The following PTBP2 variants were observed in gnomAD, a reference collection of about 807,000 sequenced individuals.
PTBP2 encodes the protein polypyrimidine tract-binding protein 2.
In PTBP2, 13 loss-of-function variants were observed where a neutral mutation model predicts 61.4. The observed-to-expected ratio is 0.21, with a 90% CI of 0.14 to 0.34. The LOEUF is 0.34. Among genes scored for constraint, PTBP2 ranks in the 10% least tolerant of loss-of-function variants. The pLI is 1.00. For synonymous variants in PTBP2, 215 were observed against 218.5 expected, an observed-to-expected ratio of 0.98 and a Z score of 0.14; for missense variants, 405 against 642.6, an observed-to-expected ratio of 0.63 and a Z score of 4.00.
Position 96,812,805 on chromosome 1 carries a change from TTGA to T in PTBP2, c.1270_1272del (p.Asp424del), listed in dbSNP as rs1662209586. On this transcript the variant is annotated inframe_deletion, in exon 12 of 14. Transcript: ENST00000674951. ...ACTGTACAGCTACCTCGAGAGGGAC[TTGA>T]TGATCAAGGGCTAACAAAAGATTTT... The T allele has an allele frequency of 1.9e-6, 3 of 1,612,370 alleles. No homozygotes were observed. Among genetic ancestry groups the T allele is most frequent in the Non-Finnish European group, 2.5e-6 (3 of 1,178,448 alleles).
At chr1:96,806,061 T>A (rs1661472577) in intron 9 of PTBP2, among the ~76,000 whole-genome samples, 1 of 152,214 alleles carries the variant, frequency 6.6e-6, no homozygotes. Flanking sequence ...TGTTCCCCAA[T>A]TCCTTATTTT....
intron 2 of PTBP2, among the ~76,000 whole-genome samples, chr1:96,733,642 G>C (rs548263566): frequency 2.6e-5 from 4 of 152,156 alleles, no homozygotes; most frequent in African/African-American, 9.7e-5. Flanking sequence ...CTACACTCCA[G>C]CCTGGGCGAG....
At chr1:96,781,783 ACATT>A (rs925475965) in intron 7 of PTBP2, among the ~76,000 whole-genome samples, 2 of 151,980 alleles carry the variant, frequency 1.3e-5, no homozygotes, top group African/African-American at 4.8e-5. Context: ...TTAAACATTG[ACATT>A]CAGGGTGAAA....
chr1:96,807,562 CTG>C (rs1424330434), intron 11 of PTBP2, among the ~76,000 whole-genome samples: 1 of 152,220 alleles, frequency 6.6e-6, no homozygotes, highest in Non-Finnish European at 1.5e-5. Context: ...CAGTGATTGA[CTG>C]TAAATGCCAG....
chr1:96,806,321 G>A, intron 9 of PTBP2, 98 bp from the exon 10 acceptor site: 1 of 1,015,334 alleles, frequency 9.8e-7, no homozygotes, highest in South Asian at 1.3e-5. Flanking sequence ...CCATTCTGCG[G>A]GAACCACCCT....
intron 11 of PTBP2, among the ~76,000 whole-genome samples, chr1:96,809,391 G>GT (rs142036541): frequency 1.7e-3 from 265 of 152,238 alleles, no homozygotes; most frequent in African/African-American, 6.3e-3. Context: ...ATTTCAAAGA[G>GT]TATCATACAG....
At chr1:96,730,971 T>G (rs1570702883) in intron 2 of PTBP2, among the ~76,000 whole-genome samples, 1 of 152,200 alleles carries the variant, frequency 6.6e-6, no homozygotes, top group Non-Finnish European at 1.5e-5. Flanking sequence ...CAAATCTGGG[T>G]CATGTTATTC....
At chr1:96,810,616 T>C (rs1055022708) in intron 11 of PTBP2, among the ~76,000 whole-genome samples, 2 of 152,164 alleles carry the variant, frequency 1.3e-5, no homozygotes, top group Non-Finnish European at 1.5e-5. Context: ...TCTTATTCTT[T>C]CCCTCCATTA....
chr1:96,815,578 T>C (rs1043804058), downstream of PTBP2: 1 of 152,146 alleles, frequency 6.6e-6, no homozygotes, highest in African/African-American at 2.4e-5. Context: ...AACTTTGGAG[T>C]TACACATGTT....
chr1:96,745,317 C>G (rs552163625), intron 2 of PTBP2, among the ~76,000 whole-genome samples: 1 of 152,192 alleles, frequency 6.6e-6, no homozygotes, highest in East Asian at 1.9e-4. Flanking sequence ...CACCCGCCAC[C>G]ACACCCGGCT....
intron 13 of PTBP2, 24 bp downstream of exon 13, chr1:96,813,130 A>C (rs1662234258): frequency 6.3e-7 from 1 of 1,585,192 alleles, no homozygotes; most frequent in African/African-American, 1.4e-5. Context: ...CTTATCTTTA[A>C]ATTAGTGACC....
downstream of PTBP2, chr1:96,816,545 A>G (rs1662492582): frequency 1.3e-5 from 2 of 152,118 alleles, no homozygotes; most frequent in Non-Finnish European, 2.9e-5. Flanking sequence ...TTTATATTTA[A>G]CGTTAGCATT....
At chr1:96,775,430 T>G (rs952488636) in intron 5 of PTBP2, among the ~76,000 whole-genome samples, 6 of 152,190 alleles carry the variant, frequency 3.9e-5, no homozygotes, top group Non-Finnish European at 8.8e-5. Flanking sequence ...TGTATTCATT[T>G]AGTGGAATAT....
At chr1:96,742,837 C>G (rs1479657957) in intron 2 of PTBP2, among the ~76,000 whole-genome samples, 3 of 151,976 alleles carry the variant, frequency 2.0e-5, no homozygotes, top group Non-Finnish European at 2.9e-5. Context: ...GAATGTGTGT[C>G]TCTCTATTAA....
chr1:96,738,928 T>G (rs1266338832), intron 2 of PTBP2, among the ~76,000 whole-genome samples: 2 of 152,196 alleles, frequency 1.3e-5, no homozygotes, highest in African/African-American at 2.4e-5. Flanking sequence ...ACAGCATTAT[T>G]TAAATAGTAG....
chr1:96,795,497 G>T (rs1215857003), intron 8 of PTBP2, among the ~76,000 whole-genome samples: 1 of 151,990 alleles, frequency 6.6e-6, no homozygotes, highest in African/African-American at 2.4e-5. Context: ...TTAAAATTTT[G>T]GTTCAAGATT....
intron 8 of PTBP2, among the ~76,000 whole-genome samples, chr1:96,786,610 A>C (rs1659231611): frequency 6.6e-6 from 1 of 152,352 alleles, no homozygotes; most frequent in African/African-American, 2.4e-5. Flanking sequence ...TGTTTTAGAA[A>C]GAATCAAAAT....
chr1:96,723,214 GAT>G (rs1649875128), intron 1 of PTBP2, among the ~76,000 whole-genome samples: 1 of 152,166 alleles, frequency 6.6e-6, no homozygotes, highest in Non-Finnish European at 1.5e-5. Flanking sequence ...CATGTTTCCT[GAT>G]TCCTGGTTCC....
chr1:96,817,632 C>T (rs770126383), downstream of PTBP2: 1 of 152,128 alleles, frequency 6.6e-6, no homozygotes, highest in East Asian at 1.9e-4. Context: ...ATATTTTAAA[C>T]GTAATTATAT....
Sources: allele counts gnomAD v4.1 joint callset (sites outside exome capture counted in the v4.1 genomes callset), GRCh38; gene constraint gnomAD v4.1.1; transcripts MANE v1.5; gene names NCBI Gene and HGNC (gene_info 2026-07-23, HGNC 2026-07-21).